Variants in NUP214 observed in about 807,000 individuals in gnomAD.
NUP214 encodes nucleoporin 214.
NUP214 carries 79 observed loss-of-function variants against 196.2 expected under a neutral mutation model. The observed-to-expected ratio is 0.40, with a 90% confidence interval of 0.34 to 0.49. NUP214 has a LOEUF of 0.49. Ranked by LOEUF, NUP214 falls within the 20% of genes least tolerant of loss-of-function variation. The pLI is 0.58. For synonymous variants in NUP214, 1,020 were observed against 990.5 expected (o/e 1.03, Z -0.56); for missense variants, 2,468 against 2,539.0 (o/e 0.97, Z 0.60).
At chr9:131,141,839 C>T (rs1040474573) in intron 11 of NUP214, 2 of 152,150 alleles carry the variant, frequency 1.3e-5, no homozygotes, top group Non-Finnish European at 2.9e-5. Flanking sequence ...ACTAATATTT[C>T]TCTTTTTGAA....
rs1833846514 is a variant in NUP214 at position 131,198,194 on chromosome 9, C to A, written c.4700C>A (p.Ala1567Asp). Residue 1567 changes from alanine (A) to aspartate (D), a missense_variant, in exon 29 of 36, where the codon GCT (alanine) becomes GAT (aspartate). Physicochemically the swap from Ala to Asp is moderately radical, Grantham distance 126. This residue lies in a region of NUP214 where 1,801 missense variants were observed against 1,779.4 expected (regional missense o/e 1.01). Coordinates refer to ENST00000359428, the MANE Select transcript of NUP214 (RefSeq NM_005085.4). ...STSLVALSAE[A>D]TPATTGVPDA... Reference sequence around the variant, plus strand: ...AGTCTTGTAGCACTTTCTGCAGAGGCTACCCCAGCCACCACGGGGGTCCCT... The same window carrying A: ...AGTCTTGTAGCACTTTCTGCAGAGGATACCCCAGCCACCACGGGGGTCCCT... 1.2e-6 allele frequency: 2 copies of A among 1,614,118 alleles called. No individual in the cohort carries two copies. Among genetic ancestry groups the A allele is most frequent in the Non-Finnish European group, 1.7e-6 (2 of 1,180,044 alleles).
At chr9:131,165,096 G>A (rs1832750404) in intron 21 of NUP214, 2 of 152,184 alleles carry the variant, frequency 1.3e-5, no homozygotes, top group Middle Eastern at 3.4e-3. Context: ...TCTCTTGGTA[G>A]GTAATTGGGA....
intron 21 of NUP214, among the ~76,000 whole-genome samples, chr9:131,165,468 A>C (rs1328323199): frequency 2.6e-5 from 4 of 152,222 alleles, no homozygotes; most frequent in Admixed American, 2.6e-4. Flanking sequence ...TATTAAACAA[A>C]ATAAATGCTG....
At position 131,147,371 on chromosome 9, in the gene NUP214, G is replaced by C. The variant is rs1185955783; in HGVS notation, c.1946-119G>C. 5.6e-6 allele frequency: 4 copies of C among 719,114 alleles called. No homozygotes were observed. The African/African-American group carries it at 7.1e-5, about 13-fold the overall frequency. 44.5% of individuals were successfully genotyped at this position (719,114 alleles called of 1,614,324 possible). On this transcript the variant is annotated intron_variant, in intron 13 of 35. Transcript: ENST00000359428. The stretch of plus-strand genomic sequence containing the variant: ...GTCATCACTCTTTAAAATAAATCAT[G>C]AAAGTGGGCCAGGGGCAATGTGTAA...
intron 14 of NUP214, among the ~76,000 whole-genome samples, chr9:131,148,594 C>T (rs1832153827): frequency 6.6e-6 from 1 of 152,022 alleles, no homozygotes; most frequent in Non-Finnish European, 1.5e-5. Flanking sequence ...TATTTTTCAT[C>T]TTTTGTTGTA....
intron 5 of NUP214, among the ~76,000 whole-genome samples, chr9:131,131,484 A>G (rs1180716602): frequency 6.6e-6 from 1 of 152,168 alleles, no homozygotes; most frequent in African/African-American, 2.4e-5. Flanking sequence ...TTCCTCCTCA[A>G]GACTGTTCTC....
At chr9:131,139,847 T>C (rs1166291619) in intron 10 of NUP214, among the ~76,000 whole-genome samples, 2 of 152,216 alleles carry the variant, frequency 1.3e-5, no homozygotes, top group Non-Finnish European at 2.9e-5. Context: ...GGTTTCCAAA[T>C]AGGGCCTAGA....
intron 29 of NUP214, among the ~76,000 whole-genome samples, chr9:131,200,423 A>G (rs1184510699): frequency 6.6e-6 from 1 of 152,194 alleles, no homozygotes; most frequent in Admixed American, 6.5e-5. Flanking sequence ...TAAAAACACA[A>G]ACATTGCCGG....
At chr9:131,170,918 C>T (rs1832939263) in intron 21 of NUP214, among the ~76,000 whole-genome samples, 2 of 151,964 alleles carry the variant, frequency 1.3e-5, no homozygotes, top group Admixed American at 1.3e-4. Flanking sequence ...ATAGTTCATC[C>T]TAAGATGTGA....
intron 26 of NUP214, chr9:131,190,372 C>A: frequency 3.0e-6 from 2 of 658,340 alleles, no homozygotes; most frequent in South Asian, 1.7e-5. Context: ...TTATGCATGT[C>A]TGGGCAAGTA....
intron 5 of NUP214, among the ~76,000 whole-genome samples, chr9:131,132,118 TC>T (rs202066524): frequency 0.21 from 26,594 of 126,432 alleles, 4,198 homozygotes; most frequent in East Asian, 0.39. Context: ...TTCTTTTCTT[TC>T]TTTTTTTTTT....
chr9:131,137,100 C>T (rs185787605), intron 9 of NUP214, among the ~76,000 whole-genome samples: 6 of 152,310 alleles, frequency 3.9e-5, no homozygotes, highest in East Asian at 3.9e-4. Flanking sequence ...ATCTGATTTG[C>T]TGCTCTAGAA....
chr9:131,172,326 G>A (rs1463486659), intron 21 of NUP214, among the ~76,000 whole-genome samples: 1 of 152,160 alleles, frequency 6.6e-6, no homozygotes, highest in African/African-American at 2.4e-5. Flanking sequence ...ATTTTGTCAT[G>A]TGTTTTTTGG....
At chr9:131,164,810 A>G (rs904791760) in intron 21 of NUP214, 1 of 152,160 alleles carries the variant, frequency 6.6e-6, no homozygotes, top group Non-Finnish European at 1.5e-5. Context: ...TTCCCATTAC[A>G]TTACCTAGAT....
chr9:131,214,391 T>C (rs953685315), intron 30 of NUP214, among the ~76,000 whole-genome samples: 2 of 152,218 alleles, frequency 1.3e-5, no homozygotes, highest in African/African-American at 4.8e-5. Context: ...GGGTAGTTTA[T>C]TACCACCATT....
chr9:131,132,455 A>C, intron 5 of NUP214, 141 bp from the exon 6 acceptor site: 1 of 688,776 alleles, frequency 1.5e-6, no homozygotes, highest in Non-Finnish European at 2.5e-6. Flanking sequence ...GGAAGTAGAT[A>C]GCACTATTCT....
At chr9:131,202,415 T>C (rs905249160) in intron 30 of NUP214, among the ~76,000 whole-genome samples, 2 of 151,710 alleles carry the variant, frequency 1.3e-5, no homozygotes, top group South Asian at 4.2e-4. Flanking sequence ...ATATATATTT[T>C]TGTTTGTTTG....
rs1179432692 is a variant in NUP214, at chr9:131,150,358, A to G, written c.2075A>G (p.Gln692Arg). Residue 692 changes from glutamine (Q) to arginine (R), a missense_variant, in exon 15 of 36, where the codon CAG (glutamine) becomes CGG (arginine). Coordinates refer to ENST00000359428, the MANE Select transcript of NUP214 (RefSeq NM_005085.4). ...KSLQPAVAEK[Q>R]GHQWKDSDPV... ...CTTCAGCCTGCTGTTGCAGAAAAGC[A>G]GGGACATCAGTGGAAAGATTCAGAT... 1 of 1,614,098 alleles carries G rather than the reference A, an allele frequency of 6.2e-7. No individual in the cohort carries two copies.
chr9:131,175,491 A>G lies in NUP214; in HGVS notation c.3189A>G (p.Gln1063=), dbSNP rs780518013. The stretch of plus-strand genomic sequence containing the variant: ...CATCTGCTAGCAAAATTATTCCTCA[A>G]GGGGCCGATAGCACAATGCTTGCCA... The part of the protein sequence containing the change: ...VATSASKIIP[Q]GADSTMLATK... The change falls in exon 23 of 36, where the codon CAA becomes CAG. Residue 1063 remains glutamine (Q), a synonymous_variant. Transcript: ENST00000359428. 2.5e-6 allele frequency: 4 copies of G among 1,614,128 alleles called. No individual in the cohort carries two copies. The highest frequency in any genetic ancestry group is 2.7e-5 in the African/African-American group (2 of 75,026).
Sources: gnomAD v4.1 joint callset for allele counts (sites outside exome capture counted in the v4.1 genomes callset) on GRCh38, gnomAD v4.1.1 for gene constraint, gnomAD v4.1.1 regional missense constraint, MANE v1.5 for transcripts, NCBI Gene and HGNC (gene_info 2026-07-23, HGNC 2026-07-21) for gene names.